The following LHFPL6 variants were observed in gnomAD, a reference collection of about 807,000 sequenced individuals.
LHFPL6 encodes the protein LHFPL tetraspan subfamily member 6 protein.
LHFPL6 carries 9 observed loss-of-function variants against 20.6 expected under a neutral mutation model. The ratio of observed to expected loss-of-function variants is 0.44; its 90% CI spans 0.26 to 0.76. The LOEUF (loss-of-function observed/expected upper bound fraction) is 0.76. Among genes scored for constraint, LHFPL6 ranks in the 30% least tolerant of loss-of-function variants. The pLI is 0.20. For synonymous variants in LHFPL6, 105 were observed against 98.7 expected (o/e 1.06, Z -0.38); for missense variants, 218 against 253.5 (o/e 0.86, Z 0.95).
At chr13:39,345,175 A>G (rs1320792184) in intron 3 of LHFPL6, among the ~76,000 whole-genome samples, 2 of 152,164 alleles carry the variant, frequency 1.3e-5, no homozygotes, top group African/African-American at 2.4e-5. Flanking sequence ...CATAAACACC[A>G]AGACATTTGG....
intron 3 of LHFPL6, among the ~76,000 whole-genome samples, chr13:39,367,063 A>G (rs1870032040): frequency 6.6e-6 from 1 of 152,248 alleles, no homozygotes; most frequent in South Asian, 2.1e-4. Flanking sequence ...CAACAGCGGC[A>G]CTAATGAAAC....
intron 2 of LHFPL6, among the ~76,000 whole-genome samples, chr13:39,574,346 G>A (rs1227646856): frequency 6.6e-6 from 1 of 152,070 alleles, no homozygotes; most frequent in Non-Finnish European, 1.5e-5. Context: ...GCCAGATGTG[G>A]TGGTGGGCAC....
At chr13:39,432,519 C>T (rs1341877827) in intron 2 of LHFPL6, among the ~76,000 whole-genome samples, 5 of 152,112 alleles carry the variant, frequency 3.3e-5, no homozygotes, top group African/African-American at 1.2e-4. Context: ...TCTGCAGGGT[C>T]CACCCCCTCT....
chr13:39,599,499 C>T (rs1296738676), intron 2 of LHFPL6, among the ~76,000 whole-genome samples: 1 of 152,166 alleles, frequency 6.6e-6, no homozygotes, highest in Non-Finnish European at 1.5e-5. Context: ...CAGTGTTAAA[C>T]ATTGAAGCTG....
At chr13:39,587,398 C>A (rs1872481827) in intron 2 of LHFPL6, among the ~76,000 whole-genome samples, 2 of 152,114 alleles carry the variant, frequency 1.3e-5, no homozygotes, top group South Asian at 4.1e-4. Context: ...TCAACTAGCA[C>A]CTCTGCTGTG....
chr13:39,343,717 C>T lies in LHFPL6; in HGVS notation c.*219G>A. The T allele has an allele frequency of 4.9e-6, 2 of 410,408 alleles. No individual in the cohort carries two copies. Among genetic ancestry groups the T allele is most frequent in the Non-Finnish European group, 8.8e-6 (2 of 227,710 alleles). 25.4% of individuals were successfully genotyped at this position (410,408 alleles called of 1,614,324 possible). ...CCTGCAATATTTTTAGCCTTTGGTC[C>T]ATTTTTCTCCATCATTCTATACTCT... On this transcript the variant is annotated 3_prime_UTR_variant, in exon 4 of 4. Coordinates refer to ENST00000379589, the MANE Select transcript of LHFPL6 (RefSeq NM_005780.3).
At chr13:39,554,937 A>G (rs944120976) in intron 2 of LHFPL6, among the ~76,000 whole-genome samples, 5 of 152,232 alleles carry the variant, frequency 3.3e-5, no homozygotes. Flanking sequence ...TTGATAGGCT[A>G]AATGCAATGT....
intron 2 of LHFPL6, among the ~76,000 whole-genome samples, chr13:39,398,114 G>A (rs1389949782): frequency 6.6e-6 from 1 of 152,152 alleles, no homozygotes; most frequent in Non-Finnish European, 1.5e-5. Flanking sequence ...CTGCATGGCT[G>A]GGACACATGG....
intron 2 of LHFPL6, among the ~76,000 whole-genome samples, chr13:39,416,731 T>C (rs1414644425): frequency 2.6e-5 from 4 of 152,214 alleles, no homozygotes; most frequent in Non-Finnish European, 4.4e-5. Context: ...TATAAAGTCA[T>C]TGTGCAGTTT....
At chr13:39,460,689 G>C (rs1382175584) in intron 2 of LHFPL6, among the ~76,000 whole-genome samples, 1 of 152,188 alleles carries the variant, frequency 6.6e-6, no homozygotes, top group African/African-American at 2.4e-5. Flanking sequence ...AGATGCTCTA[G>C]GTAGGAGTTA....
chr13:39,497,777 C>A (rs1465055697), intron 2 of LHFPL6, among the ~76,000 whole-genome samples: 1 of 152,168 alleles, frequency 6.6e-6, no homozygotes, highest in Admixed American at 6.5e-5. Flanking sequence ...ATTTTCTCCT[C>A]TCTCTTTATA....
intron 2 of LHFPL6, among the ~76,000 whole-genome samples, chr13:39,410,373 A>G (rs984973361): frequency 1.3e-5 from 2 of 152,324 alleles, no homozygotes; most frequent in Admixed American, 6.5e-5. Flanking sequence ...GGTGAAAACC[A>G]CAATGAATGA....
At chr13:39,524,586 T>C (rs968096217) in intron 2 of LHFPL6, among the ~76,000 whole-genome samples, 2 of 152,204 alleles carry the variant, frequency 1.3e-5, no homozygotes, top group African/African-American at 4.8e-5. Flanking sequence ...AGGTATATTG[T>C]GCAAAGGGAA....
At chr13:39,413,181 C>A (rs1193145914) in intron 2 of LHFPL6, among the ~76,000 whole-genome samples, 1 of 152,080 alleles carries the variant, frequency 6.6e-6, no homozygotes, top group African/African-American at 2.4e-5. Context: ...GAGATGATAT[C>A]TAATCAAAGA....
Position 39,579,855 on chromosome 13 carries a change from G to A in LHFPL6, c.385+20977C>T, listed in dbSNP as rs536369515. On this transcript the variant is annotated intron_variant, in intron 2 of 3. Coordinates refer to ENST00000379589, the MANE Select transcript of LHFPL6 (RefSeq NM_005780.3). ...GGTAGAATAACAATGGCATCTTTCT[G>A]AGGAAAAGAGTCTACTGACCAAAGC... Among the ~76,000 whole-genome samples, 16 of 152,286 alleles carry A rather than the reference G, an allele frequency of 1.1e-4. 1 individual carries two copies. In the East Asian group the frequency reaches 3.1e-3, roughly 29 times the overall value.
chr13:39,408,858 T>C (rs1871183200), intron 2 of LHFPL6, among the ~76,000 whole-genome samples: 1 of 152,188 alleles, frequency 6.6e-6, no homozygotes, highest in South Asian at 2.1e-4. Flanking sequence ...GTTTGTGTTG[T>C]TATTATTATT....
intron 2 of LHFPL6, among the ~76,000 whole-genome samples, chr13:39,493,551 G>T (rs994656279): frequency 6.6e-6 from 1 of 152,148 alleles, no homozygotes; most frequent in Admixed American, 6.5e-5. Context: ...ACACAGATAG[G>T]ATAATCACCA....
At chr13:39,543,094 T>A (rs1293743333) in intron 2 of LHFPL6, among the ~76,000 whole-genome samples, 1 of 152,228 alleles carries the variant, frequency 6.6e-6, no homozygotes, top group Non-Finnish European at 1.5e-5. Context: ...AGGGACCCCA[T>A]ATAAATGAAA....
chr13:39,565,433 T>C (rs61956464), intron 2 of LHFPL6, among the ~76,000 whole-genome samples: 8,405 of 152,298 alleles, frequency 0.055, 379 homozygotes, highest in African/African-American at 0.12. Flanking sequence ...ATTTTGGTGC[T>C]GTGGTTTTTA....
Sources: gnomAD v4.1 joint callset for allele counts (sites outside exome capture counted in the v4.1 genomes callset) on GRCh38, gnomAD v4.1.1 for gene constraint, MANE v1.5 for transcripts, NCBI Gene and HGNC (gene_info 2026-07-23, HGNC 2026-07-21) for gene names.